The following TBC1D15 variants were observed in gnomAD, a reference collection of about 807,000 sequenced individuals.
TBC1D15 encodes TBC1 domain family member 15, also known as GAP for RAB7.
In TBC1D15, 39 loss-of-function variants were observed where a neutral mutation model predicts 95.4. That is an observed-to-expected ratio of 0.41 (90% confidence interval 0.32 to 0.53). The LOEUF (loss-of-function observed/expected upper bound fraction) is 0.53, where lower values mean the gene tolerates loss of function less well. Ranked by LOEUF, TBC1D15 falls within the 20% of genes least tolerant of loss-of-function variation. The pLI, the probability that TBC1D15 is intolerant of heterozygous loss-of-function variation, is 0.29. For missense variants in TBC1D15, 733 were observed against 794.3 expected, an observed-to-expected ratio of 0.92 and a Z score of 0.93; for synonymous variants, 258 against 261.3, an observed-to-expected ratio of 0.99 and a Z score of 0.12.
At chr12:71,894,151 A>G (rs942911847) in intron 6 of TBC1D15, among the ~76,000 whole-genome samples, 1 of 152,046 alleles carries the variant, frequency 6.6e-6, no homozygotes, top group African/African-American at 2.4e-5. Context: ...GCTGTTTTCC[A>G]GGGTAGCACT....
intron 1 of TBC1D15, among the ~76,000 whole-genome samples, chr12:71,853,932 T>G (rs1888429297): frequency 1.3e-5 from 2 of 152,222 alleles, no homozygotes; most frequent in South Asian, 4.1e-4. Context: ...TTGAAGAGTT[T>G]ACTGACAAAC....
intron 6 of TBC1D15, 22 bp from the exon 7 acceptor site, chr12:71,894,664 T>C (rs755068436): frequency 4.4e-6 from 7 of 1,589,424 alleles, no homozygotes; most frequent in Non-Finnish European, 6.0e-6. Flanking sequence ...ATAATGCTAA[T>C]ATTTTTCTTC....
chr12:71,905,716 G>T (rs529839417), intron 10 of TBC1D15, among the ~76,000 whole-genome samples: 1 of 152,142 alleles, frequency 6.6e-6, no homozygotes, highest in Non-Finnish European at 1.5e-5. Context: ...CCACAATTCT[G>T]TATGTATTTG....
intron 5 of TBC1D15, among the ~76,000 whole-genome samples, chr12:71,892,037 T>C (rs1258587081): frequency 2.0e-5 from 3 of 152,152 alleles, no homozygotes; most frequent in Non-Finnish European, 4.4e-5. Flanking sequence ...TCTTTTCTGA[T>C]GCTACATTTC....
chr12:71,903,876 G>A (rs180812896), intron 10 of TBC1D15, among the ~76,000 whole-genome samples: 1 of 152,304 alleles, frequency 6.6e-6, no homozygotes, highest in Admixed American at 6.5e-5. Flanking sequence ...GTAGGAGGGT[G>A]AGGATTGAAA....
At chr12:71,874,621 ATTTTTTTT>A (rs57095362) in intron 3 of TBC1D15, among the ~76,000 whole-genome samples, 1 of 122,314 alleles carries the variant, frequency 8.2e-6, no homozygotes, top group Non-Finnish European at 1.7e-5. Flanking sequence ...TATATTTACT[ATTTTTTTT>A]TTTTTTTTTT....
intron 1 of TBC1D15, among the ~76,000 whole-genome samples, chr12:71,846,413 T>C (rs1886275845): frequency 6.6e-6 from 1 of 152,244 alleles, no homozygotes; most frequent in South Asian, 2.1e-4. Context: ...TTTCAATAAT[T>C]TTGCCAGGTA....
chr12:71,918,452 A>C lies in TBC1D15; in HGVS notation c.1503A>C (p.Glu501Asp). 6.3e-7 allele frequency: 1 copy of C among 1,587,354 alleles called. No individual in the cohort carries two copies. The highest frequency in any genetic ancestry group is 1.2e-5 in the South Asian group (1 of 86,506). The change falls in exon 14 of 17, where the codon GAA (glutamate) becomes GAC (aspartate). Residue 501 changes from glutamate (E) to aspartate (D), a missense_variant and splice_region_variant. Transcript: ENST00000485960. ...LLDSGFCSYL[E>D]SQDSGYLYFC... is the part of the protein sequence containing the mutation. The stretch of plus-strand genomic sequence containing the variant: ...TGTGTGTTTTTTTCTTCTGCATAGA[A>C]TCTCAGGACTCTGGATACCTTTATT...
At chr12:71,886,264 G>T (rs929202344) in intron 5 of TBC1D15, among the ~76,000 whole-genome samples, 4 of 152,084 alleles carry the variant, frequency 2.6e-5, no homozygotes, top group Admixed American at 6.5e-5. Context: ...TGCCTCGTGG[G>T]TTCAGACAGT....
At chr12:71,898,022 T>C in intron 10 of TBC1D15, 81 bp downstream of exon 10, 1 of 1,004,442 alleles carries the variant, frequency 1.0e-6, no homozygotes, top group Non-Finnish European at 1.6e-6. Flanking sequence ...TGAAGATACA[T>C]GGTAATAGCA....
At chr12:71,860,476 C>T (rs1368478338) in intron 1 of TBC1D15, among the ~76,000 whole-genome samples, 3 of 152,060 alleles carry the variant, frequency 2.0e-5, no homozygotes, top group Non-Finnish European at 4.4e-5. Flanking sequence ...TAAATTTATT[C>T]CTACATTATT....
intron 6 of TBC1D15, chr12:71,894,387 G>A (rs765533522): frequency 1.1e-5 from 18 of 1,612,458 alleles, no homozygotes; most frequent in South Asian, 8.8e-5. Flanking sequence ...TAAGCACTGC[G>A]TATGTTTTCT....
chr12:71,894,578 G>T, intron 6 of TBC1D15, 108 bp from the exon 7 acceptor site: 1 of 1,139,758 alleles, frequency 8.8e-7, no homozygotes, highest in South Asian at 1.6e-5. Context: ...CTCTGTTTTA[G>T]TCCTGATTTC....
intron 5 of TBC1D15, 72 bp downstream of exon 5, chr12:71,885,093 T>C: frequency 6.7e-7 from 1 of 1,491,948 alleles, no homozygotes; most frequent in East Asian, 2.3e-5. Context: ...CTATTTTTAC[T>C]TGACCTTGGG....
In TBC1D15 at chr12:71,893,216, T is replaced by C; in HGVS notation, c.555-6T>C. 1 of 1,574,654 alleles carries C rather than the reference T, an allele frequency of 6.4e-7. No individual in the cohort carries two copies. On this transcript the variant is annotated splice_region_variant and splice_polypyrimidine_tract_variant and intron_variant, in intron 5 of 16. Transcript: ENST00000485960. ...TATTTTCTACAAATCCTCTTTTTTA[T>C]TATAGATCTCCACAGGATAAAAGAA...
intron 1 of TBC1D15, chr12:71,854,532 A>G (rs1449175587): frequency 4.4e-6 from 2 of 456,212 alleles, no homozygotes; most frequent in South Asian, 3.1e-5. Flanking sequence ...GCCTGCATTA[A>G]TTCTCTTTTC....
intron 1 of TBC1D15, chr12:71,861,474 T>A (rs941230342): frequency 6.5e-7 from 1 of 1,536,812 alleles, no homozygotes; most frequent in Non-Finnish European, 8.8e-7. Flanking sequence ...TACTCCAGTT[T>A]GTTGGAGTAT....
intron 1 of TBC1D15, among the ~76,000 whole-genome samples, chr12:71,848,078 C>G (rs1042562733): frequency 6.6e-6 from 1 of 152,154 alleles, no homozygotes; most frequent in African/African-American, 2.4e-5. Context: ...GCCTGGGCAA[C>G]AAGAGCGAAA....
At chr12:71,913,039 G>A (rs1467537024) in intron 11 of TBC1D15, among the ~76,000 whole-genome samples, 2 of 151,944 alleles carry the variant, frequency 1.3e-5, no homozygotes, top group Non-Finnish European at 2.9e-5. Context: ...TTTAAGTGAG[G>A]GATCTGACTC....
Sources: gnomAD v4.1 joint callset for allele counts (sites outside exome capture counted in the v4.1 genomes callset) on GRCh38, gnomAD v4.1.1 for gene constraint, MANE v1.5 for transcripts, NCBI Gene and HGNC (gene_info 2026-07-23, HGNC 2026-07-21) for gene names.